The following TSHZ2 variants were observed in gnomAD, a reference collection of about 807,000 sequenced individuals.
The protein encoded by TSHZ2 is teashirt zinc finger homeobox 2.
In TSHZ2, 21 loss-of-function variants were observed where a neutral mutation model predicts 74.4. That is an observed-to-expected ratio of 0.28 (90% CI 0.20 to 0.41). The LOEUF is 0.41. Among genes scored for constraint, TSHZ2 ranks in the 10% least tolerant of loss-of-function variants. The probability of loss-of-function intolerance (pLI) is 1.00; values close to 1 mark genes in which losing one functional copy is unlikely to be tolerated. For missense variants in TSHZ2, 1,244 were observed against 1,293.5 expected (o/e 0.96, Z 0.59); for synonymous variants, 540 against 515.3 (o/e 1.05, Z -0.65).
chr20:53,426,523 C>T (rs978844516), intron 2 of TSHZ2, among the ~76,000 whole-genome samples: 1 of 151,714 alleles, frequency 6.6e-6, no homozygotes, highest in African/African-American at 2.4e-5. Flanking sequence ...ACTTTTTTTC[C>T]CTCCCCCTCT....
chr20:53,082,740 A>T (rs535092906), intron 1 of TSHZ2, among the ~76,000 whole-genome samples: 1 of 152,352 alleles, frequency 6.6e-6, no homozygotes, highest in Non-Finnish European at 1.5e-5. Context: ...CTATCTGGCA[A>T]GAGTTGGTTT....
At chr20:53,464,394 G>T (rs574264933) in intron 2 of TSHZ2, among the ~76,000 whole-genome samples, 1 of 152,196 alleles carries the variant, frequency 6.6e-6, no homozygotes, top group Non-Finnish European at 1.5e-5. Flanking sequence ...AACTGTCTAG[G>T]TGGAGTTGTG....
chr20:53,253,783 C>T lies in TSHZ2; in HGVS notation c.325C>T (p.His109Tyr). ...CAGAGATGCCTCAGACAAGAAAGCA[C>T]ACACTCACGTCAGGCTTCCAAACGA... ...CGRDASDKKA[H>Y]THVRLPNEAH... is the part of the protein sequence containing the mutation. The change falls in exon 2 of 3, where the codon CAC (histidine) becomes TAC (tyrosine). Residue 109 changes from histidine to tyrosine, a missense_variant. By Grantham distance (83) the His-to-Tyr change is moderately conservative. Around this residue, in one of 6 missense-constraint regions of TSHZ2, gnomAD observed 470 missense variants for 456.5 expected, o/e 1.03. Transcript: ENST00000371497. The T allele has an allele frequency of 4.3e-6, 7 of 1,614,192 alleles. No homozygotes were observed. Among genetic ancestry groups the T allele is most frequent in the Non-Finnish European group, 5.9e-6 (7 of 1,180,022 alleles).
chr20:53,094,057 C>T (rs554349688), intron 1 of TSHZ2, among the ~76,000 whole-genome samples: 24 of 151,978 alleles, frequency 1.6e-4, no homozygotes, highest in Middle Eastern at 3.4e-3. Flanking sequence ...TTTGGCCCTC[C>T]GCCTTTTTTT....
intron 2 of TSHZ2, among the ~76,000 whole-genome samples, chr20:53,357,592 T>G (rs1189663568): frequency 6.6e-6 from 1 of 152,218 alleles, no homozygotes; most frequent in Non-Finnish European, 1.5e-5. Flanking sequence ...GAGCTCTTGA[T>G]ACAAAATTTT....
intron 2 of TSHZ2, among the ~76,000 whole-genome samples, chr20:53,380,653 T>G (rs1406482233): frequency 6.6e-6 from 1 of 152,190 alleles, no homozygotes; most frequent in African/African-American, 2.4e-5. Context: ...GAATTCACTT[T>G]TCAAGTTCAG....
Position 53,256,663 on chromosome 20 carries a change from A to T in TSHZ2, c.*8+92A>T. The T allele has an allele frequency of 6.8e-7, 1 of 1,477,026 alleles. No homozygotes were observed. The highest frequency in any genetic ancestry group is 9.0e-7 in the Non-Finnish European group (1 of 1,112,972). The allele number at this position is 1,477,026 out of a possible 1,614,324, so 91.5% of individuals were successfully genotyped here. ...GCTTAGAGGCAGCTAGCATCTCCCAATGCCAAGCAGGATAGTAGCTTGCTG... is the reference window on the plus strand; with the variant it reads ...GCTTAGAGGCAGCTAGCATCTCCCATTGCCAAGCAGGATAGTAGCTTGCTG... On this transcript the variant is annotated intron_variant, in intron 2 of 2. Transcript: ENST00000371497. This position sits in a 1 kb window ranked among gnomAD's most constrained non-coding sequence, Gnocchi z 4.3.
intron 1 of TSHZ2, among the ~76,000 whole-genome samples, chr20:53,095,433 C>G (rs1475534311): frequency 1.3e-5 from 2 of 152,180 alleles, no homozygotes; most frequent in African/African-American, 4.8e-5. Context: ...ACAGCTGGAG[C>G]TGGGGATGGA....
Position 53,492,301 on chromosome 20 carries a change from G to A in TSHZ2, c.*5166G>A, listed in dbSNP as rs1468835240. 6.6e-6 allele frequency: 1 copy of A among 152,202 alleles called. No homozygotes were observed. The highest frequency in any genetic ancestry group is 6.5e-5 in the Admixed American group (1 of 15,270). The allele number at this position is 152,202 out of a possible 1,614,324, so 9.4% of individuals were successfully genotyped here. ...TATAACATTCAGGAATTATAGATGT[G>A]TATGTATATTTTTTAAGTACAGAAA... is the stretch of plus-strand genomic sequence containing the variant. On this transcript the variant is annotated 3_prime_UTR_variant, in exon 3 of 3. Transcript: ENST00000371497.
At chr20:53,420,739 G>A (rs978819672) in intron 2 of TSHZ2, among the ~76,000 whole-genome samples, 2 of 152,082 alleles carry the variant, frequency 1.3e-5, no homozygotes, top group African/African-American at 4.8e-5. Context: ...CTCTAGCCTG[G>A]GCGACAGAGC....
At chr20:53,105,333 G>A (rs1260985762) in intron 1 of TSHZ2, among the ~76,000 whole-genome samples, 2 of 152,160 alleles carry the variant, frequency 1.3e-5, no homozygotes, top group Non-Finnish European at 2.9e-5. Context: ...CTTCTGAGAG[G>A]GGCTGTCCTG....
rs138421525 is a variant in TSHZ2 at position 53,056,905 on chromosome 20, A to C, written c.40+83572A>C. ...GTCTGTTAGTAATTTTTGTTCTCTCAATGATATGGTGTGGCTGTGTCCCCA... is the reference window on the plus strand; with the variant it reads ...GTCTGTTAGTAATTTTTGTTCTCTCCATGATATGGTGTGGCTGTGTCCCCA... On this transcript the variant is annotated intron_variant, in intron 1 of 2. Transcript: ENST00000371497. Among the ~76,000 whole-genome samples the C allele has an allele frequency of 2.6e-5, 4 of 152,242 alleles. No homozygotes were observed. The East Asian group carries it at 7.7e-4, about 29-fold the overall frequency.
chr20:53,460,510 A>C (rs529671837), intron 2 of TSHZ2, among the ~76,000 whole-genome samples: 5 of 152,286 alleles, frequency 3.3e-5, no homozygotes, highest in African/African-American at 1.2e-4. Flanking sequence ...CCCGTAGCTC[A>C]GAGTAATTTG....
chr20:53,473,985 C>T (rs2145843054), intron 2 of TSHZ2, among the ~76,000 whole-genome samples: 1 of 151,828 alleles, frequency 6.6e-6, no homozygotes, highest in East Asian at 1.9e-4. Context: ...TGAGCAAAGC[C>T]TCCAAGAAAT....
At chr20:53,025,866 C>G (rs969744479) in intron 1 of TSHZ2, among the ~76,000 whole-genome samples, 2 of 152,122 alleles carry the variant, frequency 1.3e-5, no homozygotes, top group Non-Finnish European at 2.9e-5. Context: ...AGGAGCTCTT[C>G]GACTGCCAGT....
At chr20:53,097,852 G>C (rs530394511) in intron 1 of TSHZ2, 1 of 152,412 alleles carries the variant, frequency 6.6e-6, no homozygotes, top group South Asian at 2.1e-4. Context: ...TATTCGAGTA[G>C]CTATGCTCCC....
At chr20:53,376,420 T>C (rs574132010) in intron 2 of TSHZ2, among the ~76,000 whole-genome samples, 6 of 152,364 alleles carry the variant, frequency 3.9e-5, no homozygotes, top group Admixed American at 2.6e-4. Flanking sequence ...TTGTTACTGC[T>C]AGGATCCTGC....
At chr20:53,249,176 G>C (rs567703665) in intron 1 of TSHZ2, among the ~76,000 whole-genome samples, 2 of 152,304 alleles carry the variant, frequency 1.3e-5, no homozygotes, top group African/African-American at 4.8e-5. Flanking sequence ...AAGTTGATTA[G>C]CATGATTGTA....
intron 2 of TSHZ2, among the ~76,000 whole-genome samples, chr20:53,478,657 A>G (rs932180741): frequency 4.0e-4 from 59 of 147,676 alleles, no homozygotes; most frequent in African/African-American, 1.3e-3. Context: ...AAACTTTAAT[A>G]AAAAATAAAT....
Sources: allele counts gnomAD v4.1 joint callset (sites outside exome capture counted in the v4.1 genomes callset), GRCh38; gene constraint gnomAD v4.1.1; regional missense constraint gnomAD v4.1.1; non-coding constraint Gnocchi (gnomAD v3.1); transcripts MANE v1.5; gene names NCBI Gene and HGNC (gene_info 2026-07-23, HGNC 2026-07-21).